PKIB: variants seen among roughly 807,000 people sequenced by gnomAD.
PKIB encodes PKI-beta.
PKIB carries 2 observed loss-of-function variants against 4.5 expected under a neutral mutation model. The ratio of observed to expected loss-of-function variants is 0.44; its 90% confidence interval spans 0.18 to 1.39. PKIB has a LOEUF of 1.39. Ranked by LOEUF, PKIB falls within the 40% of genes most tolerant of loss-of-function variation. The pLI is 0.27. For synonymous variants in PKIB, 38 were observed against 36.0 expected, an observed-to-expected ratio of 1.06 and a Z score of -0.20; for missense variants, 94 against 92.6, an observed-to-expected ratio of 1.02 and a Z score of -0.06.
chr6:122,716,277 T>A (rs1779492915), intron 3 of PKIB, among the ~76,000 whole-genome samples: 1 of 152,146 alleles, frequency 6.6e-6, no homozygotes, highest in Non-Finnish European at 1.5e-5. Context: ...GCTATGCCCG[T>A]TATATAGGGG....
chr6:122,506,363 T>C (rs1159091090), intron 2 of PKIB, among the ~76,000 whole-genome samples: 1 of 152,162 alleles, frequency 6.6e-6, no homozygotes, highest in Non-Finnish European at 1.5e-5. Context: ...CTCTCATCAT[T>C]TTTTTAAAGA....
At chr6:122,487,349 CTGATA>C (rs1205393059) in intron 2 of PKIB, among the ~76,000 whole-genome samples, 1 of 152,042 alleles carries the variant, frequency 6.6e-6, no homozygotes, top group Non-Finnish European at 1.5e-5. Context: ...TTAGATTCAT[CTGATA>C]TTTCTTTGTG....
chr6:122,579,266 A>G (rs1335260328), intron 2 of PKIB, among the ~76,000 whole-genome samples: 1 of 152,166 alleles, frequency 6.6e-6, no homozygotes, highest in Non-Finnish European at 1.5e-5. Flanking sequence ...TGATGCCCTG[A>G]CACAACACCT....
chr6:122,477,938 T>C (rs1775493505), exon 2 of PKIB: 1 of 152,208 alleles, frequency 6.6e-6, no homozygotes, highest in African/African-American at 2.4e-5. Flanking sequence ...GATAAGTCAC[T>C]GGTAAGGTCT....
chr6:122,566,305 C>G (rs1428697689), intron 2 of PKIB, among the ~76,000 whole-genome samples: 1 of 152,122 alleles, frequency 6.6e-6, no homozygotes, highest in South Asian at 2.1e-4. Context: ...TATAGTCTGA[C>G]CACAGTTCCA....
chr6:122,714,516 T>C (rs983268662), intron 3 of PKIB, among the ~76,000 whole-genome samples: 1 of 152,048 alleles, frequency 6.6e-6, no homozygotes, highest in Non-Finnish European at 1.5e-5. Context: ...AATAATAATA[T>C]AAAGGCAAAA....
rs1273650402 is a variant in PKIB at position 122,671,496 on chromosome 6, T to A, written c.-75-3582T>A. 6.6e-5 allele frequency among the ~76,000 whole-genome samples: 10 copies of A among 152,302 alleles called. No individual in the cohort carries two copies. In the East Asian group the frequency reaches 1.7e-3, roughly 26 times the overall value. ...GCCTTTACCGGAACATGCCTTTGAC[T>A]GAACTTTGTCCTCCAAACTACATTT... On this transcript the variant is annotated intron_variant, in intron 2 of 4. Transcript: ENST00000368452.
intron 2 of PKIB, among the ~76,000 whole-genome samples, chr6:122,554,225 A>G (rs1454071473): frequency 6.6e-6 from 1 of 152,230 alleles, no homozygotes; most frequent in Non-Finnish European, 1.5e-5. Flanking sequence ...TGATGAAGAT[A>G]ACACATTAGC....
chr6:122,630,513 T>C (rs1775651064), intron 1 of PKIB, among the ~76,000 whole-genome samples: 1 of 152,090 alleles, frequency 6.6e-6, no homozygotes, highest in Non-Finnish European at 1.5e-5. Flanking sequence ...AAATGATGGT[T>C]GTCAGGGGTT....
upstream of PKIB, among the ~76,000 whole-genome samples, chr6:122,608,763 G>T (rs909187395): frequency 6.6e-6 from 1 of 152,096 alleles, no homozygotes; most frequent in African/African-American, 2.4e-5. Flanking sequence ...TTAGCAGTGA[G>T]GTCTAGTGGT....
chr6:122,566,707 A>G (rs1253785573), intron 2 of PKIB, among the ~76,000 whole-genome samples: 2 of 151,602 alleles, frequency 1.3e-5, no homozygotes, highest in African/African-American at 4.9e-5. Flanking sequence ...CTTCTCATAT[A>G]GCAATATAAT....
intron 3 of PKIB, among the ~76,000 whole-genome samples, chr6:122,594,803 G>C (rs1274756018): frequency 1.3e-5 from 2 of 152,116 alleles, no homozygotes; most frequent in Admixed American, 1.3e-4. Context: ...TAATAGCAGG[G>C]CATGGTAATA....
chr6:122,632,708 C>G (rs555112778), intron 1 of PKIB, among the ~76,000 whole-genome samples: 206 of 152,190 alleles, frequency 1.4e-3, no homozygotes, highest in African/African-American at 4.8e-3. Context: ...TCATTTCTCT[C>G]CAAAAATTCC....
chr6:122,499,396 T>C (rs1776159578), intron 2 of PKIB, among the ~76,000 whole-genome samples: 1 of 152,212 alleles, frequency 6.6e-6, no homozygotes, highest in African/African-American at 2.4e-5. Context: ...CAGTCAGGGT[T>C]GGTTGAATGT....
At chr6:122,671,451 T>C (rs1435155485) in intron 2 of PKIB, among the ~76,000 whole-genome samples, 1 of 152,190 alleles carries the variant, frequency 6.6e-6, no homozygotes, top group Non-Finnish European at 1.5e-5. Context: ...ATCCCCAGTC[T>C]TACAGACTGA....
intron 2 of PKIB, among the ~76,000 whole-genome samples, chr6:122,523,251 ATGT>A (rs1776997554): frequency 6.6e-6 from 1 of 152,118 alleles, no homozygotes; most frequent in African/African-American, 2.4e-5. Flanking sequence ...TGAGATAATC[ATGT>A]TGTTTTGTCC....
At chr6:122,610,906 C>T (rs1475745573) in intron 1 of PKIB, among the ~76,000 whole-genome samples, 1 of 152,134 alleles carries the variant, frequency 6.6e-6, no homozygotes, top group Non-Finnish European at 1.5e-5. Context: ...CAAGTCTTTC[C>T]CCTGGGCGGT....
rs191774727 is a variant in PKIB, at chr6:122,600,839, C to A, written c.-161+14832C>A. On this transcript the variant is annotated intron_variant, in intron 3 of 6. Transcript: ENST00000392491. ...ATGACCCATAATGAAGAGAAAAAAA[C>A]CAATCAATAGTAACAAATTCCAAAT... 2.7e-3 allele frequency among the ~76,000 whole-genome samples: 413 copies of A among 151,746 alleles called. 1 individual carries two copies. The highest frequency in any genetic ancestry group is 9.5e-3 in the African/African-American group (393 of 41,388).
chr6:122,680,352 T>G (rs1777850438), intron 3 of PKIB, among the ~76,000 whole-genome samples: 1 of 152,236 alleles, frequency 6.6e-6, no homozygotes, highest in African/African-American at 2.4e-5. Flanking sequence ...TCGGTCTAGA[T>G]TCTTCTGGGC....
Sources: gnomAD v4.1 joint callset for allele counts (sites outside exome capture counted in the v4.1 genomes callset) on GRCh38, gnomAD v4.1.1 for gene constraint, MANE v1.5 for transcripts, NCBI Gene and HGNC (gene_info 2026-07-23, HGNC 2026-07-21) for gene names.